RABGEF1: variants seen among roughly 807,000 people sequenced by gnomAD.
RABGEF1 encodes the protein RAB guanine nucleotide exchange factor 1, also known as rab5 GDP/GTP exchange factor.
Under a neutral mutation model 57.3 loss-of-function variants are expected in RABGEF1, and 26 were observed. The ratio of observed to expected loss-of-function variants is 0.45; its 90% CI spans 0.33 to 0.63. The LOEUF (loss-of-function observed/expected upper bound fraction) is 0.63, where lower values mean the gene tolerates loss of function less well. RABGEF1 is among the 20% of genes least tolerant of loss of function. The pLI is 0.02. For synonymous variants in RABGEF1, 185 were observed against 210.7 expected (o/e 0.88, Z 1.06); for missense variants, 464 against 607.6 (o/e 0.76, Z 2.48).
chr7:66,686,555 CGT>C (rs1220797619), intron 1 of RABGEF1, among the ~76,000 whole-genome samples: 1 of 152,148 alleles, frequency 6.6e-6, no homozygotes, highest in African/African-American at 2.4e-5. Context: ...ACTGTAGAAA[CGT>C]GTGTTATTTC....
chr7:66,739,641 G>T (rs1798497725), upstream of RABGEF1, among the ~76,000 whole-genome samples: 1 of 129,098 alleles, frequency 7.7e-6, no homozygotes, highest in Non-Finnish European at 1.6e-5. Context: ...CAGTGTGGGC[G>T]ACAGAGTGAG....
At chr7:66,657,009 A>T in the RABGEF1 span, among the ~76,000 whole-genome samples, 13 of 152,146 alleles carry the variant, frequency 8.5e-5, no homozygotes, top group Non-Finnish European at 4.4e-5. Flanking sequence ...AAACATATGA[A>T]GTAAAAAAGG....
At chr7:66,690,629 C>G (rs903520482) in intron 1 of RABGEF1, among the ~76,000 whole-genome samples, 1 of 151,424 alleles carries the variant, frequency 6.6e-6, no homozygotes, top group African/African-American at 2.4e-5. Context: ...GTGAAAGGAT[C>G]TGGGAAGTTG....
intron 2 of RABGEF1, among the ~76,000 whole-genome samples, chr7:66,727,274 G>A (rs1420612498): frequency 6.6e-6 from 1 of 152,192 alleles, no homozygotes; most frequent in African/African-American, 2.4e-5. Context: ...TTTGCCAGTG[G>A]AGCTGGCCCT....
chr7:66,762,000 G>T (rs1232074364), intron 1 of RABGEF1, among the ~76,000 whole-genome samples: 1 of 152,056 alleles, frequency 6.6e-6, no homozygotes, highest in African/African-American at 2.4e-5. Flanking sequence ...GTTGCAGTGA[G>T]CTGAGACCTC....
chr7:66,739,876 A>G (rs1479056000), upstream of RABGEF1: 2 of 152,230 alleles, frequency 1.3e-5, no homozygotes, highest in African/African-American at 4.8e-5. Flanking sequence ...CATTCCTTAC[A>G]TGGGAATCAC....
the RABGEF1 span, among the ~76,000 whole-genome samples, chr7:66,666,782 G>A: frequency 6.6e-6 from 1 of 152,240 alleles, no homozygotes; most frequent in Admixed American, 6.5e-5. Flanking sequence ...AGCAGTGCCA[G>A]CCTCCCATCC....
At chr7:66,695,082 C>T (rs940316828) in intron 1 of RABGEF1, among the ~76,000 whole-genome samples, 2 of 152,032 alleles carry the variant, frequency 1.3e-5, no homozygotes, top group South Asian at 2.1e-4. Flanking sequence ...GAGGCCGAGG[C>T]GGGCGGATCA....
At chr7:66,795,621 G>A (rs1340537881) in intron 5 of RABGEF1, 29 bp downstream of exon 5, 5 of 1,551,080 alleles carry the variant, frequency 3.2e-6, no homozygotes, top group Admixed American at 1.7e-5. Context: ...GAGAGATTGC[G>A]GGTATTGCAC....
Position 66,797,386 on chromosome 7 carries a change from G to T in RABGEF1, c.608G>T (p.Arg203Ile). Residue 203 changes from arginine (R) to isoleucine (I), a missense_variant, in exon 6 of 9, where the codon AGA becomes ATA. Arg to Ile is a moderately conservative substitution (Grantham distance 97). Transcript: ENST00000284957. ...MQTRGKVPPE[R>I]VEKIMDQIEK... ...CTGGTTATTTCAGTGCCTCCAGAAA[G>T]AGTCGAGAAGATAATGGATCAGATT... The T allele has an allele frequency of 6.2e-7, 1 of 1,608,354 alleles. No individual in the cohort carries two copies. The highest frequency in any genetic ancestry group is 1.1e-5 in the South Asian group (1 of 90,150).
the RABGEF1 span, among the ~76,000 whole-genome samples, chr7:66,670,038 A>G: frequency 1.3e-5 from 2 of 152,092 alleles, no homozygotes; most frequent in Non-Finnish European, 2.9e-5. Flanking sequence ...AACTTGCAGA[A>G]AATGTAAATC....
chr7:66,744,969 G>A (rs1260015692), intron 1 of RABGEF1, among the ~76,000 whole-genome samples: 2 of 152,006 alleles, frequency 1.3e-5, no homozygotes, highest in Non-Finnish European at 2.9e-5. Flanking sequence ...GAGGCGGGTG[G>A]ATCATGAGGT....
At chr7:66,674,149 T>C in the RABGEF1 span, among the ~76,000 whole-genome samples, 4 of 151,930 alleles carry the variant, frequency 2.6e-5, no homozygotes, top group African/African-American at 7.3e-5. Context: ...ATTCTACGCC[T>C]AGTACTTACT....
At chr7:66,716,795 A>C (rs1293512487) in intron 2 of RABGEF1, among the ~76,000 whole-genome samples, 1 of 152,112 alleles carries the variant, frequency 6.6e-6, no homozygotes, top group Non-Finnish European at 1.5e-5. Flanking sequence ...TGTTTGAGAC[A>C]GGAGACAAGG....
At chr7:66,727,390 C>T (rs1408255309) in intron 2 of RABGEF1, among the ~76,000 whole-genome samples, 1 of 152,210 alleles carries the variant, frequency 6.6e-6, no homozygotes, top group Non-Finnish European at 1.5e-5. Context: ...CCTGGCCACC[C>T]CATCCCATGG....
chr7:66,720,766 T>C (rs1275941483), intron 2 of RABGEF1, among the ~76,000 whole-genome samples: 2 of 152,302 alleles, frequency 1.3e-5, no homozygotes, highest in East Asian at 1.9e-4. Context: ...ACTGTTCTTA[T>C]TGCAGACAAC....
intron 2 of RABGEF1, among the ~76,000 whole-genome samples, chr7:66,730,566 T>C (rs1376643719): frequency 1.3e-5 from 2 of 150,818 alleles, no homozygotes; most frequent in South Asian, 2.1e-4. Context: ...TCTTTTTTTT[T>C]TTTTTTTTTG....
chr7:66,794,344 TG>T (rs1392069061), intron 4 of RABGEF1, among the ~76,000 whole-genome samples: 1 of 151,442 alleles, frequency 6.6e-6, no homozygotes, highest in Non-Finnish European at 1.5e-5. Flanking sequence ...TTTCTTGAGA[TG>T]GGGTCTCACT....
chr7:66,717,740 T>G (rs1340808325), intron 2 of RABGEF1, among the ~76,000 whole-genome samples: 2 of 152,074 alleles, frequency 1.3e-5, no homozygotes, highest in African/African-American at 4.8e-5. Context: ...TTTTGTATTT[T>G]TCAGAGATAG....
Sources: allele counts gnomAD v4.1 joint callset (sites outside exome capture counted in the v4.1 genomes callset), GRCh38; gene constraint gnomAD v4.1.1; transcripts MANE v1.5; gene names NCBI Gene and HGNC (gene_info 2026-07-23, HGNC 2026-07-21).